The following WFS1 variants were observed in gnomAD, a reference collection of about 807,000 sequenced individuals.
WFS1 encodes wolframin.
In WFS1, 90 loss-of-function variants were observed where a neutral mutation model predicts 68.5. The ratio of observed to expected loss-of-function variants is 1.31; its 90% CI spans 1.11 to 1.56. The LOEUF (loss-of-function observed/expected upper bound fraction) is 1.56. WFS1 is among the 40% of genes most tolerant of loss of function. The pLI is 0.00. For synonymous variants in WFS1, 860 were observed against 540.7 expected, an observed-to-expected ratio of 1.59 and a Z score of -8.19; for missense variants, 1,767 against 1,232.6, an observed-to-expected ratio of 1.43 and a Z score of -6.49.
chr4:6,277,309 G>A, intron 1 of WFS1, 142 bp from the exon 2 acceptor site: 1 of 807,584 alleles, frequency 1.2e-6, no homozygotes. Context: ...CATGGGGACT[G>A]TACTGAGTGT....
chr4:6,301,254 A>G lies in WFS1; in HGVS notation c.1459A>G (p.Thr487Ala), dbSNP rs981251198. ...NWPYLKVLGQ[T>A]FITVPVGHLV... ...GCCCTACCTGAAGGTCCTTGGCCAG[A>G]CCTTCATCACCGTGCCTGTCGGCCA... Residue 487 changes from threonine to alanine, a missense_variant, in exon 8 of 8, where the codon ACC (threonine) becomes GCC (alanine). Thr to Ala is a moderately conservative substitution (Grantham distance 58). Transcript: ENST00000226760. 1 of 1,611,152 alleles carries G rather than the reference A, an allele frequency of 6.2e-7. No individual in the cohort carries two copies. The highest frequency in any genetic ancestry group is 8.5e-7 in the Non-Finnish European group (1 of 1,180,010).
intron 3 of WFS1, chr4:6,288,630 C>T (rs546368531): frequency 1.6e-4 from 57 of 363,190 alleles, no homozygotes; most frequent in African/African-American, 1.2e-3. Context: ...GGTCCCCTGA[C>T]TGTTTTGAGA....
At chr4:6,295,843 A>G (rs943683953) in intron 7 of WFS1, among the ~76,000 whole-genome samples, 3 of 152,244 alleles carry the variant, frequency 2.0e-5, no homozygotes, top group Non-Finnish European at 2.9e-5. Context: ...ATGTGGCCCT[A>G]TGGCCTCTCA....
chr4:6,299,856 T>C (rs1234132416), intron 7 of WFS1, among the ~76,000 whole-genome samples: 3 of 115,012 alleles, frequency 2.6e-5, no homozygotes, highest in Admixed American at 1.1e-4. Context: ...GTTGTGTGAA[T>C]GCGTGTGTGT....
In WFS1 at chr4:6,301,523, C is replaced by A. The variant is rs143500912; in HGVS notation, c.1728C>A (p.Gly576=). The A allele has an allele frequency of 7.4e-6, 12 of 1,613,906 alleles. No homozygotes were observed. Among genetic ancestry groups the A allele is most frequent in the Non-Finnish European group, 1.0e-5 (12 of 1,180,036 alleles). The part of the protein sequence containing the change: ...FLFALPILVA[G]LALVGVLQFA... ...TTGCCCTCCCCATCCTGGTGGCCGG[C>A]CTGGCCCTGGTGGGCGTGCTGCAGT... Residue 576 remains glycine, a synonymous_variant, in exon 8 of 8, where the codon GGC becomes GGA. Coordinates refer to ENST00000226760, the MANE Select transcript of WFS1 (RefSeq NM_006005.3).
rs111281933 is a variant in WFS1, at chr4:6,295,760, AAGCGGGG to A, written c.861+585_861+591del. Among the ~76,000 whole-genome samples the A allele has an allele frequency of 8.4e-3, 1,274 of 152,276 alleles. 8 individuals are homozygous for A. Among genetic ancestry groups the A allele is most frequent in the South Asian group, 0.016 (76 of 4,822 alleles). ...ATGAGCAGCTTTGGCGGCAGGAGGAAAGCGGGGAGCGGGGAGCGGGAAGCCCAGCAGT... is the reference window on the plus strand; with the variant it reads ...ATGAGCAGCTTTGGCGGCAGGAGGAAAGCGGGGAGCGGGAAGCCCAGCAGT... On this transcript the variant is annotated intron_variant, in intron 7 of 7. Coordinates refer to ENST00000226760, the MANE Select transcript of WFS1 (RefSeq NM_006005.3).
intron 6 of WFS1, among the ~76,000 whole-genome samples, chr4:6,294,236 C>G (rs1176071036): frequency 6.6e-6 from 1 of 152,146 alleles, no homozygotes; most frequent in African/African-American, 2.4e-5. Context: ...ACCATCTCAC[C>G]ACGGCAACTG....
chr4:6,280,459 G>T (rs906856104), intron 2 of WFS1, among the ~76,000 whole-genome samples: 2 of 152,212 alleles, frequency 1.3e-5, no homozygotes, highest in African/African-American at 4.8e-5. Flanking sequence ...TGACCCAGCA[G>T]GCACAGAGAG....
chr4:6,290,687 G>A (rs929631225), intron 4 of WFS1, among the ~76,000 whole-genome samples: 1 of 152,174 alleles, frequency 6.6e-6, no homozygotes, highest in African/African-American at 2.4e-5. Flanking sequence ...CTGCTGACCA[G>A]CGGTAAAACC....
rs56929437 is a variant in WFS1, at chr4:6,283,932, T to C, written c.233-3161T>C. ...GCAGCCGGCTTCTGGGGGTGATCTT[T>C]CTGGCACTGAGCAGTGAGCATGCTG... On this transcript the variant is annotated intron_variant, in intron 2 of 7. Coordinates refer to ENST00000226760, the MANE Select transcript of WFS1 (RefSeq NM_006005.3). The surrounding 1 kb of genome is among the most constrained non-coding windows in gnomAD (Gnocchi z 5.0). Among the ~76,000 whole-genome samples the C allele has an allele frequency of 6.6e-6, 1 of 152,008 alleles. No individual in the cohort carries two copies. The highest frequency in any genetic ancestry group is 2.4e-5 in the African/African-American group (1 of 41,374).
chr4:6,301,294 A>C lies in WFS1; in HGVS notation c.1499A>C (p.Asn500Thr). Residue 500 changes from asparagine to threonine, a missense_variant, in exon 8 of 8, where the codon AAC (asparagine) becomes ACC (threonine). Asn to Thr is a moderately conservative substitution (Grantham distance 65). Coordinates refer to ENST00000226760, the MANE Select transcript of WFS1 (RefSeq NM_006005.3). ...CCTGTCGGCCACCTGGTCGTCCTCA[A>C]CGTCAGCGTCCCGTGCCTGCTCTAT... ...TVPVGHLVVL[N>T]VSVPCLLYVY... 1 of 1,611,556 alleles carries C rather than the reference A, an allele frequency of 6.2e-7. No individual in the cohort carries two copies. Among genetic ancestry groups the C allele is most frequent in the Admixed American group, 1.7e-5 (1 of 60,028 alleles).
chr4:6,291,775 C>G (rs1328319427), intron 5 of WFS1, 142 bp from the exon 6 acceptor site: 1 of 894,788 alleles, frequency 1.1e-6, no homozygotes, highest in African/African-American at 1.7e-5. Flanking sequence ...CTCTGCCTGC[C>G]CTGGGGGCCC....
chr4:6,278,667 C>A (rs1020064663), intron 2 of WFS1, among the ~76,000 whole-genome samples: 5 of 152,228 alleles, frequency 3.3e-5, no homozygotes, highest in African/African-American at 1.2e-4. Flanking sequence ...GGCCGTGGGG[C>A]CTCCCTGCTG....
chr4:6,271,422 C>T (rs1372481847), intron 1 of WFS1, among the ~76,000 whole-genome samples: 3 of 152,322 alleles, frequency 2.0e-5, no homozygotes, highest in South Asian at 2.1e-4. Flanking sequence ...GCTTCTGGGG[C>T]TGGTCACAGA....
rs770006924 is a variant in WFS1 at position 6,301,320 on chromosome 4, GTCTACCTGCTCTATC to G, written c.1529_1543del (p.Tyr510_Leu514del). The G allele has an allele frequency of 1.1e-5, 17 of 1,611,676 alleles. No homozygotes were observed. Among genetic ancestry groups the G allele is most frequent in the Non-Finnish European group, 1.4e-5 (16 of 1,179,968 alleles). On this transcript the variant is annotated inframe_deletion, in exon 8 of 8. Coordinates refer to ENST00000226760, the MANE Select transcript of WFS1 (RefSeq NM_006005.3). ...CGTCAGCGTCCCGTGCCTGCTCTATGTCTACCTGCTCTATCTCTTCTTCCGCATGGCACAGCTGAG... is the reference window on the plus strand; with the variant it reads ...CGTCAGCGTCCCGTGCCTGCTCTATGTCTTCTTCCGCATGGCACAGCTGAG...
Position 6,301,584 on chromosome 4 carries a change from A to T in WFS1, c.1789A>T (p.Ile597Phe), listed in dbSNP as rs1033692531. The part of the protein sequence containing the change: ...RWFTSLELTK[I>F]AVTVAVCSVP... ...GTTCACGTCTCTGGAGCTCACCAAG[A>T]TCGCAGTCACCGTGGCGGTCTGTAG... Residue 597 changes from isoleucine to phenylalanine, a missense_variant, in exon 8 of 8, where the codon ATC (isoleucine) becomes TTC (phenylalanine). Coordinates refer to ENST00000226760, the MANE Select transcript of WFS1 (RefSeq NM_006005.3). 1 of 1,614,108 alleles carries T rather than the reference A, an allele frequency of 6.2e-7. No individual in the cohort carries two copies. The highest frequency in any genetic ancestry group is 8.5e-7 in the Non-Finnish European group (1 of 1,180,032).
At chr4:6,276,671 C>T (rs764022012) in intron 1 of WFS1, among the ~76,000 whole-genome samples, 2 of 152,208 alleles carry the variant, frequency 1.3e-5, no homozygotes, top group African/African-American at 4.8e-5. Context: ...TAACTTTACT[C>T]AGTACCAGCG....
chr4:6,288,581 C>T, intron 3 of WFS1: 1 of 317,692 alleles, frequency 3.1e-6, no homozygotes, highest in Non-Finnish European at 6.1e-6. Context: ...CAGTGCTAAC[C>T]CTTGGTTAGC....
At chr4:6,277,771 C>T (rs1226749548) in intron 2 of WFS1, 84 bp downstream of exon 2, 34 of 1,451,678 alleles carry the variant, frequency 2.3e-5, no homozygotes, top group Non-Finnish European at 3.1e-5. Flanking sequence ...CCTGGAGGGT[C>T]CCCCCGCCAG....
Sources: allele counts gnomAD v4.1 joint callset (sites outside exome capture counted in the v4.1 genomes callset), GRCh38; gene constraint gnomAD v4.1.1; non-coding constraint Gnocchi (gnomAD v3.1); transcripts MANE v1.5; gene names NCBI Gene and HGNC (gene_info 2026-07-23, HGNC 2026-07-21).